PCDHGB1: variants seen among roughly 807,000 people sequenced by gnomAD.
PCDHGB1 encodes the protein protocadherin gamma-B1.
Under a neutral mutation model 56.6 loss-of-function variants are expected in PCDHGB1, and 34 were observed. That is an observed-to-expected ratio of 0.60 (90% CI 0.46 to 0.80). The LOEUF is 0.80. Among genes scored for constraint, PCDHGB1 ranks in the 30% least tolerant of loss-of-function variants. The pLI is 0.00. For missense variants in PCDHGB1, 1,278 were observed against 1,204.6 expected (o/e 1.06, Z -0.90); for synonymous variants, 561 against 505.9 (o/e 1.11, Z -1.46).
chr5:141,359,315 A>G (rs1471429370), intron 1 of PCDHGB1, among the ~76,000 whole-genome samples: 3 of 152,178 alleles, frequency 2.0e-5, no homozygotes, highest in Non-Finnish European at 2.9e-5. Context: ...AGGTGTTGGC[A>G]TTAGGAATAT....
Position 141,491,436 on chromosome 5 carries a change from G to A in PCDHGB1, c.2410-3371G>A, listed in dbSNP as rs771884610. ...ACGGGGGTGGAGGGCAGTGCTGCAG[G>A]CGCCAGGACTCACCCTCCCCGGACT... On this transcript the variant is annotated intron_variant, in intron 1 of 3. Coordinates refer to ENST00000523390, the MANE Select transcript of PCDHGB1 (RefSeq NM_018922.3). This position sits in a 1 kb window ranked among gnomAD's most constrained non-coding sequence, Gnocchi z 6.9. 1 of 1,614,070 alleles carries A rather than the reference G, an allele frequency of 6.2e-7. No individual in the cohort carries two copies. The highest frequency in any genetic ancestry group is 8.5e-7 in the Non-Finnish European group (1 of 1,180,034).
intron 1 of PCDHGB1, chr5:141,399,646 AGT>A: frequency 6.2e-7 from 1 of 1,613,790 alleles, no homozygotes; most frequent in African/African-American, 1.3e-5. Context: ...GAGCGCGCAA[AGT>A]GGGGTGGTGT....
chr5:141,376,282 G>C (rs755455760), intron 1 of PCDHGB1: 10 of 1,614,096 alleles, frequency 6.2e-6, no homozygotes, highest in Non-Finnish European at 7.6e-6. Flanking sequence ...GTGGCTTAGC[G>C]AGCATGCCCG....
intron 1 of PCDHGB1, chr5:141,394,095 G>A: frequency 6.2e-7 from 1 of 1,613,848 alleles, no homozygotes; most frequent in Non-Finnish European, 8.5e-7. Context: ...CTCAGATCTA[G>A]GAACACCACC....
chr5:141,496,021 G>C lies in PCDHGB1; in HGVS notation c.2468+1156G>C, dbSNP rs1011612662. Among the ~76,000 whole-genome samples, 3 of 151,454 alleles carry C rather than the reference G, an allele frequency of 2.0e-5. No individual in the cohort carries two copies. The East Asian group carries it at 5.8e-4, about 29-fold the overall frequency. ...CTTTTATCTTGTCTTTTTTCTCTGA[G>C]CCTCTGTCTCTGTCTCTCATTTTTT... On this transcript the variant is annotated intron_variant, in intron 2 of 3. Coordinates refer to ENST00000523390, the MANE Select transcript of PCDHGB1 (RefSeq NM_018922.3).
intron 1 of PCDHGB1, chr5:141,430,896 G>A: frequency 6.2e-7 from 1 of 1,606,012 alleles, no homozygotes; most frequent in Admixed American, 1.7e-5. Context: ...TCTAGGGTGG[G>A]CGACATCTCC....
intron 1 of PCDHGB1, chr5:141,383,945 T>G: frequency 6.2e-7 from 1 of 1,613,858 alleles, no homozygotes. Context: ...GAAGTGACTA[T>G]GACGTCTTTA....
intron 1 of PCDHGB1, among the ~76,000 whole-genome samples, chr5:141,397,685 G>A (rs1471845356): frequency 6.6e-6 from 1 of 152,218 alleles, no homozygotes; most frequent in Non-Finnish European, 1.5e-5. Flanking sequence ...ATGCAGGTTT[G>A]TATAAAAACC....
Position 141,512,910 on chromosome 5 carries a change from T to C in PCDHGB1, c.*1737T>C, listed in dbSNP as rs2099884499. On this transcript the variant is annotated 3_prime_UTR_variant, in exon 4 of 4. Transcript: ENST00000523390. Reference sequence around the variant, plus strand: ...CTCTTCCTGTGTCTCACGCAAGTTTTATACTCTAATATTTATATGGCTTTT... The same window carrying C: ...CTCTTCCTGTGTCTCACGCAAGTTTCATACTCTAATATTTATATGGCTTTT... 1 of 152,274 alleles carries C rather than the reference T, an allele frequency of 6.6e-6. No homozygotes were observed. The highest frequency in any genetic ancestry group is 2.1e-4 in the South Asian group (1 of 4,836). 9.4% of individuals were successfully genotyped at this position (152,274 alleles called of 1,614,324 possible). A position where few individuals can be genotyped will look rare whatever the true frequency, so the allele number is the denominator to read the frequency against.
intron 1 of PCDHGB1, chr5:141,362,561 GC>G (rs753422922): frequency 2.5e-6 from 4 of 1,608,504 alleles, no homozygotes; most frequent in Non-Finnish European, 3.4e-6. Flanking sequence ...TTGAAGGTGA[GC>G]TTTAATTAAT....
intron 1 of PCDHGB1, chr5:141,371,082 G>A (rs1767471058): frequency 1.9e-6 from 3 of 1,613,856 alleles, no homozygotes; most frequent in Non-Finnish European, 1.7e-6. Flanking sequence ...CCAGATCAGG[G>A]TAATTGTCGC....
intron 1 of PCDHGB1, among the ~76,000 whole-genome samples, chr5:141,439,132 G>C (rs1180893484): frequency 6.6e-6 from 1 of 151,054 alleles, no homozygotes; most frequent in African/African-American, 2.4e-5. Context: ...GACAGAGGTT[G>C]CAGTGAGCTG....
intron 1 of PCDHGB1, among the ~76,000 whole-genome samples, chr5:141,458,445 T>G (rs180720013): frequency 6.6e-6 from 1 of 151,738 alleles, no homozygotes; most frequent in East Asian, 1.9e-4. Flanking sequence ...TCCCCCACAT[T>G]AACAATTTTT....
intron 1 of PCDHGB1, among the ~76,000 whole-genome samples, chr5:141,459,035 A>T (rs1404092581): frequency 6.6e-6 from 1 of 152,218 alleles, no homozygotes; most frequent in Non-Finnish European, 1.5e-5. Context: ...ATCCAGCCTT[A>T]CCAGCTATAT....
At position 141,490,258 on chromosome 5, in the gene PCDHGB1, G is replaced by A. The variant is rs776865457; in HGVS notation, c.2410-4549G>A. Reference sequence around the variant, plus strand: ...GGGCCACTGTGTGATTCAAGTGGATGTGGGGGATGTCAATGACAATGCCCC... The same window carrying A: ...GGGCCACTGTGTGATTCAAGTGGATATGGGGGATGTCAATGACAATGCCCC... On this transcript the variant is annotated intron_variant, in intron 1 of 3. Transcript: ENST00000523390. The surrounding 1 kb of genome is among the most constrained non-coding windows in gnomAD (Gnocchi z 5.4). 6.2e-7 allele frequency: 1 copy of A among 1,614,136 alleles called. No homozygotes were observed.
chr5:141,454,796 ATTTTTTTTTTTTTTTTTT>A (rs61612330), intron 1 of PCDHGB1, among the ~76,000 whole-genome samples: 1 of 77,408 alleles, frequency 1.3e-5, no homozygotes, highest in Non-Finnish European at 2.3e-5. Flanking sequence ...CATGGTTCTA[ATTTTTTTTTTTTTTTTTT>A]TTTTTTTTTT....
At chr5:141,355,948 AG>A (rs1426923204) in intron 1 of PCDHGB1, 2 of 1,613,792 alleles carry the variant, frequency 1.2e-6, no homozygotes, top group Admixed American at 3.3e-5. Context: ...GTACCACGTA[AG>A]TGTTCGTGAG....
At chr5:141,470,900 G>A (rs1454085317) in intron 1 of PCDHGB1, among the ~76,000 whole-genome samples, 4 of 151,832 alleles carry the variant, frequency 2.6e-5, no homozygotes, top group African/African-American at 9.7e-5. Context: ...GTTTTTTGTA[G>A]AGATGGGACT....
chr5:141,502,173 T>C (rs1377892969), intron 2 of PCDHGB1, among the ~76,000 whole-genome samples: 2 of 152,178 alleles, frequency 1.3e-5, no homozygotes, highest in African/African-American at 4.8e-5. Flanking sequence ...AGTTGAGGAA[T>C]TTAACATTAA....
Sources: gnomAD v4.1 joint callset for allele counts (sites outside exome capture counted in the v4.1 genomes callset) on GRCh38, gnomAD v4.1.1 for gene constraint, Gnocchi (gnomAD v3.1) non-coding constraint, MANE v1.5 for transcripts, NCBI Gene and HGNC (gene_info 2026-07-23, HGNC 2026-07-21) for gene names.